Variants in DRGX observed in about 807,000 individuals in gnomAD.
DRGX encodes dorsal root ganglia homeobox, also known as dorsal root ganglia homeobox protein.
Under a neutral mutation model 28.6 loss-of-function variants are expected in DRGX, and 21 were observed. The observed-to-expected ratio is 0.73, with a 90% CI of 0.52 to 1.06. The LOEUF is 1.06. DRGX is among the 50% of genes least tolerant of loss of function. The pLI is 0.00. For missense variants in DRGX, 354 were observed against 343.9 expected, an observed-to-expected ratio of 1.03 and a Z score of -0.23; for synonymous variants, 136 against 139.1, an observed-to-expected ratio of 0.98 and a Z score of 0.16.
At chr10:49,381,155 C>T (rs74659683) in intron 6 of DRGX, among the ~76,000 whole-genome samples, 4,654 of 152,324 alleles carry the variant, frequency 0.031, 191 homozygotes, top group African/African-American at 0.092. Flanking sequence ...AAAATCCCCG[C>T]AAGAGCCTGG....
At position 49,386,464 on chromosome 10, in the gene DRGX, G is replaced by A. The variant is rs200331963; in HGVS notation, c.526+14C>T. 7.2e-6 allele frequency: 11 copies of A among 1,537,694 alleles called. No homozygotes were observed. Among genetic ancestry groups the A allele is most frequent in the South Asian group, 2.5e-5 (2 of 80,964 alleles). On this transcript the variant is annotated intron_variant, in intron 6 of 6. Coordinates refer to ENST00000374139, the MANE Select transcript of DRGX (RefSeq NM_001276451.2). ...TGAGGCCACGCCCACCAGCCCAGCC[G>A]AACCCAAACTCACCTTTGAGGGAAG... is the stretch of plus-strand genomic sequence containing the variant.
chr10:49,371,336 ATGCACTTTGGC>A (rs1849657281), intron 6 of DRGX, among the ~76,000 whole-genome samples: 1 of 152,188 alleles, frequency 6.6e-6, no homozygotes, highest in East Asian at 1.9e-4. Flanking sequence ...CCCAAAGCTC[ATGCACTTTGGC>A]CATGAAACGT....
intron 2 of DRGX, 147 bp downstream of exon 2, chr10:49,395,260 A>AG: frequency 3.3e-6 from 3 of 909,284 alleles, no homozygotes; most frequent in Non-Finnish European, 5.0e-6. Context: ...GGGTGTAGGG[A>AG]GGGGTCCAGG....
At chr10:49,393,078 T>C (rs896830944) in intron 2 of DRGX, among the ~76,000 whole-genome samples, 1 of 152,048 alleles carries the variant, frequency 6.6e-6, no homozygotes, top group African/African-American at 2.4e-5. Context: ...ATTTGTAATG[T>C]GTGCCAAAAT....
At position 49,380,525 on chromosome 10, in the gene DRGX, G is replaced by A. The variant is rs140536434; in HGVS notation, c.526+5953C>T. ...CATTATTGTCATGTTAGTCCTCCCT[G>A]CACAGGAGTAGGGTTCCTGCTCTCT... On this transcript the variant is annotated intron_variant, in intron 6 of 6. Coordinates refer to ENST00000374139, the MANE Select transcript of DRGX (RefSeq NM_001276451.2). Among the ~76,000 whole-genome samples the A allele has an allele frequency of 4.0e-4, 61 of 152,272 alleles. 1 individual carries two copies. Among genetic ancestry groups the A allele is most frequent in the Middle Eastern group, 3.4e-3 (1 of 294 alleles).
At chr10:49,389,349 A>G (rs1234680920) in intron 4 of DRGX, among the ~76,000 whole-genome samples, 1 of 152,210 alleles carries the variant, frequency 6.6e-6, no homozygotes, top group Non-Finnish European at 1.5e-5. Context: ...AGATCTTTGC[A>G]TAGTCTTAAC....
At chr10:49,368,444 C>T (rs943481114) in intron 6 of DRGX, among the ~76,000 whole-genome samples, 1 of 152,266 alleles carries the variant, frequency 6.6e-6, no homozygotes, top group Non-Finnish European at 1.5e-5. Context: ...TCCAGCCTGT[C>T]ATGCTTTTGG....
intron 6 of DRGX, among the ~76,000 whole-genome samples, chr10:49,385,134 A>G (rs867526584): frequency 2.6e-5 from 4 of 152,034 alleles, no homozygotes; most frequent in South Asian, 4.2e-4. Flanking sequence ...ATATGTCCCA[A>G]TGTTGCTCTA....
chr10:49,370,907 C>G (rs938618045), intron 6 of DRGX, among the ~76,000 whole-genome samples: 4 of 152,180 alleles, frequency 2.6e-5, no homozygotes, highest in African/African-American at 9.7e-5. Context: ...TTAACAGAGG[C>G]AGAACCTGCA....
At chr10:49,375,782 C>G (rs1440674279) in intron 6 of DRGX, among the ~76,000 whole-genome samples, 1 of 152,124 alleles carries the variant, frequency 6.6e-6, no homozygotes, top group African/African-American at 2.4e-5. Context: ...TCCAAGGACA[C>G]AGCCAGAGCA....
chr10:49,395,594 G>A (rs1047566386), intron 1 of DRGX, 73 bp from the exon 2 acceptor site: 2 of 867,218 alleles, frequency 2.3e-6, no homozygotes, highest in East Asian at 2.6e-5. Flanking sequence ...GGGCGCACCC[G>A]GCGCTCCCCT....
Position 49,377,022 on chromosome 10 carries a change from G to A in DRGX, c.526+9456C>T, listed in dbSNP as rs562238831. Among the ~76,000 whole-genome samples, 4 of 152,314 alleles carry A rather than the reference G, an allele frequency of 2.6e-5. No homozygotes were observed. The South Asian group carries it at 6.2e-4, about 24-fold the overall frequency. ...TAATTCATTGCTAGATGCTCAACCT[G>A]TGGTTCAGAGTCTGGCAAAGTGTAG... On this transcript the variant is annotated intron_variant, in intron 6 of 6. Transcript: ENST00000374139.
chr10:49,369,876 T>C (rs1485497044), intron 6 of DRGX, among the ~76,000 whole-genome samples: 2 of 152,090 alleles, frequency 1.3e-5, no homozygotes, highest in Non-Finnish European at 2.9e-5. Context: ...TTATGGCTCC[T>C]GCAGTGAGCA....
chr10:49,366,452 C>A, intron 6 of DRGX, 71 bp from the exon 7 acceptor site: 1 of 1,518,472 alleles, frequency 6.6e-7, no homozygotes, highest in Non-Finnish European at 8.8e-7. Context: ...TGACAGGAAA[C>A]GATCTGAGTT....
intron 4 of DRGX, 54 bp downstream of exon 4, chr10:49,390,079 A>T: frequency 1.3e-6 from 2 of 1,526,650 alleles, no homozygotes; most frequent in South Asian, 1.3e-5. Flanking sequence ...GATGTCAAAA[A>T]AAAGTTTGCC....
chr10:49,383,262 G>A (rs1158300601), intron 6 of DRGX, among the ~76,000 whole-genome samples: 1 of 152,220 alleles, frequency 6.6e-6, no homozygotes. Context: ...ATGGCAGGTT[G>A]CCTGGTAGAG....
intron 6 of DRGX, among the ~76,000 whole-genome samples, chr10:49,370,367 T>C (rs1328778676): frequency 4.6e-5 from 7 of 152,164 alleles, no homozygotes; most frequent in Non-Finnish European, 1.5e-5. Flanking sequence ...ATCGTGCCAC[T>C]GCACTCCAGT....
At chr10:49,386,019 C>T (rs1258607172) in intron 6 of DRGX, among the ~76,000 whole-genome samples, 1 of 152,128 alleles carries the variant, frequency 6.6e-6, no homozygotes, top group Non-Finnish European at 1.5e-5. Flanking sequence ...GAAGAGAGCA[C>T]ATACTGGAAA....
chr10:49,388,379 G>T (rs780717823), intron 4 of DRGX, among the ~76,000 whole-genome samples: 1 of 152,248 alleles, frequency 6.6e-6, no homozygotes, highest in Non-Finnish European at 1.5e-5. Context: ...ACTGGCCCCA[G>T]AGAGAGCCTG....
Sources: gnomAD v4.1 joint callset for allele counts (sites outside exome capture counted in the v4.1 genomes callset) on GRCh38, gnomAD v4.1.1 for gene constraint, MANE v1.5 for transcripts, NCBI Gene and HGNC (gene_info 2026-07-23, HGNC 2026-07-21) for gene names.